AGBL1: variants seen among roughly 807,000 people sequenced by gnomAD.
AGBL1 encodes cytosolic carboxypeptidase 4.
Under a neutral mutation model 118.9 loss-of-function variants are expected in AGBL1, and 130 were observed. The ratio of observed to expected loss-of-function variants is 1.09; its 90% confidence interval spans 0.95 to 1.26. The LOEUF is 1.26. Among genes scored for constraint, AGBL1 ranks in the 50% most tolerant of loss-of-function variants. The probability of loss-of-function intolerance (pLI) is 0.00; values close to 1 mark genes in which losing one functional copy is unlikely to be tolerated. For missense variants in AGBL1, 1,584 were observed against 1,298.1 expected, an observed-to-expected ratio of 1.22 and a Z score of -3.38; for synonymous variants, 555 against 478.9, an observed-to-expected ratio of 1.16 and a Z score of -2.08.
intron 22 of AGBL1, among the ~76,000 whole-genome samples, chr15:86,760,023 A>G (rs529184460): frequency 6.6e-6 from 1 of 152,182 alleles, no homozygotes; most frequent in Non-Finnish European, 1.5e-5. Context: ...ACCTTCCCCT[A>G]TGTCTGGGAC....
At chr15:86,237,663 T>G (rs1049783830) in intron 6 of AGBL1, among the ~76,000 whole-genome samples, 3 of 152,118 alleles carry the variant, frequency 2.0e-5, no homozygotes, top group Admixed American at 2.0e-4. Flanking sequence ...AGACTCAAAA[T>G]AAAAATTTGG....
At chr15:86,283,748 G>A (rs929518925) in intron 16 of AGBL1, among the ~76,000 whole-genome samples, 1 of 152,040 alleles carries the variant, frequency 6.6e-6, no homozygotes, top group Non-Finnish European at 1.5e-5. Context: ...CCCCAATAAA[G>A]GTTCTTGATG....
chr15:86,709,391 C>T (rs1258732228), intron 22 of AGBL1, among the ~76,000 whole-genome samples: 2 of 152,090 alleles, frequency 1.3e-5, no homozygotes, highest in Non-Finnish European at 2.9e-5. Flanking sequence ...TCTTTGAATG[C>T]ATGCTCAAGT....
intron 1 of AGBL1, among the ~76,000 whole-genome samples, chr15:86,088,964 G>C (rs1895850826): frequency 6.6e-6 from 1 of 152,224 alleles, no homozygotes; most frequent in Admixed American, 6.5e-5. Context: ...ACTACCTAAA[G>C]CACTGTCTGG....
At chr15:86,673,896 T>A (rs1436489433) in intron 21 of AGBL1, among the ~76,000 whole-genome samples, 3 of 152,164 alleles carry the variant, frequency 2.0e-5, no homozygotes, top group Non-Finnish European at 4.4e-5. Flanking sequence ...GTAAGATTCT[T>A]TATGAACTTC....
chr15:86,403,553 C>T (rs892584332), intron 18 of AGBL1, among the ~76,000 whole-genome samples: 5 of 152,128 alleles, frequency 3.3e-5, no homozygotes, highest in African/African-American at 1.2e-4. Flanking sequence ...GAAGACTTTA[C>T]AATAAGAGCA....
At chr15:86,677,255 C>A (rs543026129) in intron 22 of AGBL1, among the ~76,000 whole-genome samples, 1 of 152,126 alleles carries the variant, frequency 6.6e-6, no homozygotes, top group South Asian at 2.1e-4. Context: ...GCAGAGATAG[C>A]GGATGTTTGC....
intron 17 of AGBL1, among the ~76,000 whole-genome samples, chr15:86,339,432 T>G (rs1040643298): frequency 7.2e-5 from 11 of 152,300 alleles, no homozygotes; most frequent in African/African-American, 2.4e-4. Context: ...GTTCCCTTTT[T>G]GGCTCCACCA....
At chr15:86,158,819 A>T in intron 4 of AGBL1, 114 bp from the exon 5 acceptor site, 3 of 831,852 alleles carry the variant, frequency 3.6e-6, no homozygotes, top group Non-Finnish European at 6.0e-6. Context: ...AAAGAAAGGG[A>T]GCTATCTTGT....
chr15:86,101,987 T>C (rs1268815182), intron 1 of AGBL1, among the ~76,000 whole-genome samples: 2 of 152,070 alleles, frequency 1.3e-5, no homozygotes, highest in Non-Finnish European at 2.9e-5. Context: ...TTAATCATTG[T>C]GGTTTGGTGG....
chr15:86,233,848 G>A (rs1009114912), intron 6 of AGBL1, among the ~76,000 whole-genome samples: 7 of 152,162 alleles, frequency 4.6e-5, no homozygotes, highest in Non-Finnish European at 8.8e-5. Context: ...CCAGTGAGGA[G>A]GGTCAGCTTC....
intron 22 of AGBL1, among the ~76,000 whole-genome samples, chr15:86,900,178 G>A (rs776138592): frequency 1.3e-5 from 2 of 152,030 alleles, no homozygotes; most frequent in Admixed American, 1.3e-4. Context: ...GAGGTTTTGG[G>A]GACTCAGACT....
intron 1 of AGBL1, among the ~76,000 whole-genome samples, chr15:86,132,155 A>T (rs2076828818): frequency 6.6e-6 from 1 of 152,168 alleles, no homozygotes; most frequent in East Asian, 1.9e-4. Flanking sequence ...GAGAGGCGCA[A>T]AGACAGCAGG....
At chr15:86,521,429 T>G (rs1269494779) in intron 18 of AGBL1, among the ~76,000 whole-genome samples, 2 of 152,150 alleles carry the variant, frequency 1.3e-5, no homozygotes, top group Non-Finnish European at 2.9e-5. Context: ...ACTATCACTG[T>G]CCCTGCCCCC....
chr15:86,348,835 T>C (rs1399129379), intron 17 of AGBL1, among the ~76,000 whole-genome samples: 1 of 149,874 alleles, frequency 6.7e-6, no homozygotes, highest in East Asian at 2.0e-4. Flanking sequence ...TAAGGCCAGG[T>C]ATCTTGAGTT....
chr15:86,850,136 T>A (rs757214233), intron 22 of AGBL1, among the ~76,000 whole-genome samples: 26 of 152,302 alleles, frequency 1.7e-4, no homozygotes, highest in Non-Finnish European at 3.2e-4. Context: ...TTCAGCTGTT[T>A]CCCATGTGTA....
intron 18 of AGBL1, among the ~76,000 whole-genome samples, chr15:86,443,811 T>G (rs766882193): frequency 1.3e-5 from 2 of 152,240 alleles, no homozygotes; most frequent in African/African-American, 4.8e-5. Context: ...AGTATTCCAT[T>G]GCATATATAT....
intron 17 of AGBL1, among the ~76,000 whole-genome samples, chr15:86,380,262 TTCC>T (rs2081094605): frequency 4.8e-5 from 2 of 41,522 alleles, no homozygotes; most frequent in African/African-American, 5.3e-4. Context: ...CCTCCCTTTC[TTCC>T]TTCCTTCCTT....
At chr15:86,821,585 G>T (rs1252709800) in intron 22 of AGBL1, among the ~76,000 whole-genome samples, 3 of 152,092 alleles carry the variant, frequency 2.0e-5, no homozygotes, top group African/African-American at 7.2e-5. Context: ...TAACAGAACG[G>T]TATATTATGC....
Sources: gnomAD v4.1 joint callset for allele counts (sites outside exome capture counted in the v4.1 genomes callset) on GRCh38, gnomAD v4.1.1 for gene constraint, MANE v1.5 for transcripts, NCBI Gene and HGNC (gene_info 2026-07-23, HGNC 2026-07-21) for gene names.